Variants in TMEM132D observed in about 807,000 individuals in gnomAD.
TMEM132D encodes transmembrane protein 132D.
Under a neutral mutation model 62.3 loss-of-function variants are expected in TMEM132D, and 21 were observed. The ratio of observed to expected loss-of-function variants is 0.34; its 90% CI spans 0.24 to 0.49. The LOEUF is 0.49. Ranked by LOEUF, TMEM132D falls within the 20% of genes least tolerant of loss-of-function variation. The pLI is 0.99. For missense variants in TMEM132D, 1,346 were observed against 1,402.8 expected (o/e 0.96, Z 0.65); for synonymous variants, 621 against 575.6 (o/e 1.08, Z -1.13).
At chr12:129,260,815 T>C (rs1408763054) in intron 4 of TMEM132D, among the ~76,000 whole-genome samples, 1 of 151,254 alleles carries the variant, frequency 6.6e-6, no homozygotes, top group Admixed American at 6.7e-5. Context: ...GGCCTCCAGC[T>C]CCATCTAAGT....
intron 3 of TMEM132D, among the ~76,000 whole-genome samples, chr12:129,373,626 G>A (rs1257937796): frequency 6.6e-6 from 1 of 151,934 alleles, no homozygotes; most frequent in African/African-American, 2.4e-5. Context: ...AGCGAGACTT[G>A]TCTCAAACAA....
At chr12:129,845,194 C>T (rs914331780) in intron 1 of TMEM132D, among the ~76,000 whole-genome samples, 3 of 152,186 alleles carry the variant, frequency 2.0e-5, no homozygotes, top group East Asian at 3.9e-4. Flanking sequence ...ATTTAAAATA[C>T]GCATACCAAG....
chr12:129,448,641 C>T (rs1040256244), intron 3 of TMEM132D, among the ~76,000 whole-genome samples: 1 of 152,092 alleles, frequency 6.6e-6, no homozygotes, highest in Non-Finnish European at 1.5e-5. Context: ...TGAGCATTTA[C>T]GTTGATTCCA....
At chr12:129,157,777 T>C (rs1877289516) in intron 5 of TMEM132D, among the ~76,000 whole-genome samples, 1 of 152,242 alleles carries the variant, frequency 6.6e-6, no homozygotes. Context: ...TCTTTGATAA[T>C]CGTAATTAAT....
chr12:129,129,549 C>A (rs2135524259), intron 5 of TMEM132D, among the ~76,000 whole-genome samples: 1 of 152,304 alleles, frequency 6.6e-6, no homozygotes. Flanking sequence ...GGGTTAAGTT[C>A]TTTGAGAAAT....
intron 3 of TMEM132D, among the ~76,000 whole-genome samples, chr12:129,456,821 G>T (rs1415906660): frequency 6.6e-6 from 1 of 152,172 alleles, no homozygotes; most frequent in Non-Finnish European, 1.5e-5. Context: ...TCAGCCAGAG[G>T]AAAATACTAG....
At chr12:129,245,445 T>C (rs1880070785) in intron 4 of TMEM132D, among the ~76,000 whole-genome samples, 1 of 152,244 alleles carries the variant, frequency 6.6e-6, no homozygotes, top group South Asian at 2.1e-4. Context: ...CCACAGTTTA[T>C]TTCTTCATCC....
intron 4 of TMEM132D, among the ~76,000 whole-genome samples, chr12:129,331,457 G>GT (rs1869102301): frequency 6.6e-6 from 1 of 152,082 alleles, no homozygotes; most frequent in African/African-American, 2.4e-5. Flanking sequence ...TTTATCTCAA[G>GT]TTTCAGATCC....
intron 1 of TMEM132D, among the ~76,000 whole-genome samples, chr12:129,868,745 G>C (rs186071717): frequency 1.3e-5 from 2 of 152,172 alleles, no homozygotes; most frequent in African/African-American, 4.8e-5. Context: ...TCTTCTAGAA[G>C]TTCACTGTCC....
intron 1 of TMEM132D, among the ~76,000 whole-genome samples, chr12:129,785,233 C>T (rs1353654959): frequency 5.3e-5 from 8 of 152,118 alleles, no homozygotes; most frequent in Admixed American, 5.2e-4. Flanking sequence ...CAGGGAGCTC[C>T]CAGCCAGGTT....
intron 5 of TMEM132D, among the ~76,000 whole-genome samples, chr12:129,180,356 C>T (rs1275422956): frequency 6.6e-6 from 1 of 152,186 alleles, no homozygotes. Flanking sequence ...CATATGCAGT[C>T]TATGGTTCTG....
At chr12:129,235,973 C>T (rs1459864229) in intron 4 of TMEM132D, among the ~76,000 whole-genome samples, 1 of 151,948 alleles carries the variant, frequency 6.6e-6, no homozygotes, top group South Asian at 2.1e-4. Flanking sequence ...TTCTTTCAAT[C>T]CATGAACGTG....
chr12:129,261,369 G>T (rs60373958), intron 4 of TMEM132D, among the ~76,000 whole-genome samples: 9 of 152,108 alleles, frequency 5.9e-5, no homozygotes, highest in Non-Finnish European at 1.0e-4. Context: ...GTCTCATGAG[G>T]TCTAATGGTT....
intron 4 of TMEM132D, among the ~76,000 whole-genome samples, chr12:129,244,703 C>T (rs907718082): frequency 6.6e-6 from 1 of 151,982 alleles, no homozygotes; most frequent in Non-Finnish European, 1.5e-5. Context: ...TTCAGTGGTG[C>T]AATCTCAGCT....
At chr12:129,159,815 G>T (rs953076026) in intron 5 of TMEM132D, among the ~76,000 whole-genome samples, 8 of 151,052 alleles carry the variant, frequency 5.3e-5, no homozygotes, top group African/African-American at 1.2e-4. Flanking sequence ...TGGGGATTCA[G>T]AGGAAAACAG....
rs562583206 is a variant in TMEM132D, at chr12:129,870,852, G to A, written c.79+32409C>T. On this transcript the variant is annotated intron_variant, in intron 1 of 8. Coordinates refer to ENST00000422113, the MANE Select transcript of TMEM132D (RefSeq NM_133448.3). ...TCGCCCCCTACAGCTGGCATCTGGA[G>A]TGAAGGAAGTCTTGTTGGGGACCCA... 2.7e-3 allele frequency among the ~76,000 whole-genome samples: 415 copies of A among 152,224 alleles called. 1 individual carries two copies. Among genetic ancestry groups the A allele is most frequent in the African/African-American group, 9.5e-3 (395 of 41,528 alleles).
At chr12:129,394,821 T>A (rs1166330482) in intron 3 of TMEM132D, among the ~76,000 whole-genome samples, 3 of 152,180 alleles carry the variant, frequency 2.0e-5, no homozygotes, top group Non-Finnish European at 2.9e-5. Context: ...AGTGGTTGCC[T>A]GGGGATGGAG....
chr12:129,717,838 G>A (rs1221987033), intron 1 of TMEM132D, among the ~76,000 whole-genome samples: 1 of 152,268 alleles, frequency 6.6e-6, no homozygotes, highest in East Asian at 1.9e-4. Context: ...CCCTCGCAGG[G>A]CTGTCATGTA....
At chr12:129,285,853 C>A (rs1363889504) in intron 4 of TMEM132D, among the ~76,000 whole-genome samples, 1 of 152,162 alleles carries the variant, frequency 6.6e-6, no homozygotes, top group Non-Finnish European at 1.5e-5. Context: ...CTTCCCCCAT[C>A]AGTCCATCAC....
Sources: allele counts gnomAD v4.1 joint callset (sites outside exome capture counted in the v4.1 genomes callset), GRCh38; gene constraint gnomAD v4.1.1; transcripts MANE v1.5; gene names NCBI Gene and HGNC (gene_info 2026-07-23, HGNC 2026-07-21).